The following FSD1L variants were observed in gnomAD, a reference collection of about 807,000 sequenced individuals.
The protein encoded by FSD1L is fibronectin type III and SPRY domain containing 1 like, also known as FSD1-like protein.
A neutral mutation model predicts 71.6 loss-of-function variants in FSD1L; 45 were observed. That is an observed-to-expected ratio of 0.63 (90% CI 0.49 to 0.81). FSD1L has a LOEUF of 0.81. Among genes scored for constraint, FSD1L ranks in the 30% least tolerant of loss-of-function variants. The pLI is 0.00. For synonymous variants in FSD1L, 197 were observed against 207.2 expected (o/e 0.95, Z 0.42); for missense variants, 561 against 618.1 (o/e 0.91, Z 0.98).
chr9:105,542,704 C>T (rs1836707882), intron 13 of FSD1L, among the ~76,000 whole-genome samples: 1 of 152,212 alleles, frequency 6.6e-6, no homozygotes, highest in Non-Finnish European at 1.5e-5. Flanking sequence ...GATCCACCAG[C>T]CTTGGCCCCC....
At chr9:105,506,934 G>A (rs1834089719) in intron 8 of FSD1L, among the ~76,000 whole-genome samples, 1 of 151,986 alleles carries the variant, frequency 6.6e-6, no homozygotes, top group Admixed American at 6.5e-5. Flanking sequence ...ACCACACTTA[G>A]CTAATTTTTG....
intron 7 of FSD1L, among the ~76,000 whole-genome samples, chr9:105,499,282 C>T (rs1833620638): frequency 6.6e-6 from 1 of 152,236 alleles, no homozygotes; most frequent in Admixed American, 6.5e-5. Flanking sequence ...ACACCACACA[C>T]ATTCAAATAA....
intron 10 of FSD1L, among the ~76,000 whole-genome samples, chr9:105,519,974 C>T (rs1224872055): frequency 6.6e-6 from 1 of 152,242 alleles, no homozygotes; most frequent in African/African-American, 2.4e-5. Context: ...CGGCCCTGGC[C>T]TGGATCGGGG....
intron 1 of FSD1L, 134 bp downstream of exon 1, chr9:105,448,369 C>A (rs1564069422): frequency 2.5e-6 from 2 of 801,914 alleles, no homozygotes; most frequent in Admixed American, 4.3e-5. Flanking sequence ...CTGCGGAGGG[C>A]AAGGCCGCCC....
At chr9:105,520,560 A>T (rs1835081132) in intron 10 of FSD1L, 4 of 1,298,212 alleles carry the variant, frequency 3.1e-6, no homozygotes, top group Admixed American at 1.7e-5. Flanking sequence ...TTCATCAGCC[A>T]TGGCAGTTTC....
chr9:105,471,980 TA>T lies in FSD1L; in HGVS notation c.419del (p.Lys140ArgfsTer27). ...LLEFATRSLD[I>X]KEPEEFSKAA... is the part of the protein sequence containing the mutation. ...GAATTTGCAACAAGGTCATTAGATA[TA>T]AAGGAACCTGAAGAATTTTCAAAGG... On this transcript the variant is annotated frameshift_variant, in exon 5 of 14. Coordinates refer to ENST00000481272, the MANE Select transcript of FSD1L (RefSeq NM_001145313.3). LOFTEE classifies it high-confidence loss of function. 1 of 1,443,478 alleles carries T rather than the reference TA, an allele frequency of 6.9e-7. No individual in the cohort carries two copies. The highest frequency in any genetic ancestry group is 9.1e-7 in the Non-Finnish European group (1 of 1,099,182). 89.4% of individuals were successfully genotyped at this position (1,443,478 alleles called of 1,614,324 possible).
chr9:105,522,026 A>G (rs960472161), intron 10 of FSD1L: 2 of 1,613,070 alleles, frequency 1.2e-6, no homozygotes, highest in South Asian at 1.1e-5. Flanking sequence ...GAGTCACGGA[A>G]TCTGTACTGA....
At chr9:105,476,802 T>C (rs1019164502) in intron 5 of FSD1L, among the ~76,000 whole-genome samples, 10 of 152,234 alleles carry the variant, frequency 6.6e-5, no homozygotes, top group Admixed American at 6.5e-4. Context: ...ATTTAAGACA[T>C]TTCTTGAAAT....
At chr9:105,521,078 G>A (rs1270528568) in intron 10 of FSD1L, 1 of 1,613,394 alleles carries the variant, frequency 6.2e-7, no homozygotes. Flanking sequence ...TGAGACCAAA[G>A]CCACATTATG....
At chr9:105,481,180 G>GTGTGT (rs1564098382) in intron 6 of FSD1L, among the ~76,000 whole-genome samples, 1 of 30,764 alleles carries the variant, frequency 3.3e-5, no homozygotes, top group Non-Finnish European at 5.5e-5. Context: ...TGTGTGTGTG[G>GTGTGT]TTCTTTTTTT....
chr9:105,545,350 A>T (rs1172732327), intron 13 of FSD1L, among the ~76,000 whole-genome samples: 1 of 146,262 alleles, frequency 6.8e-6, no homozygotes, highest in African/African-American at 2.7e-5. Context: ...TTCTAGATAT[A>T]CAATCATGTC....
At chr9:105,486,470 T>A (rs575194292) in intron 7 of FSD1L, among the ~76,000 whole-genome samples, 1 of 152,320 alleles carries the variant, frequency 6.6e-6, no homozygotes, top group East Asian at 1.9e-4. Flanking sequence ...CACTTTCATG[T>A]TCACTCTTGG....
intron 10 of FSD1L, chr9:105,523,757 T>A (rs1430291029): frequency 6.3e-7 from 1 of 1,597,006 alleles, no homozygotes; most frequent in Non-Finnish European, 8.6e-7. Flanking sequence ...ATAGAGATTT[T>A]CTAACACATT....
At chr9:105,455,078 G>A (rs769210740) in intron 1 of FSD1L, among the ~76,000 whole-genome samples, 1 of 152,142 alleles carries the variant, frequency 6.6e-6, no homozygotes, top group African/African-American at 2.4e-5. Flanking sequence ...GCTGGATAGC[G>A]CTTTCTTGAT....
chr9:105,524,291 T>C, intron 10 of FSD1L: 2 of 1,612,952 alleles, frequency 1.2e-6, no homozygotes, highest in South Asian at 2.2e-5. Flanking sequence ...TGGTTCATTA[T>C]GTACCTAGAC....
intron 4 of FSD1L, 132 bp from the exon 5 acceptor site, chr9:105,471,772 C>T (rs1010218660): frequency 3.1e-5 from 10 of 322,628 alleles, no homozygotes; most frequent in Non-Finnish European, 5.1e-5. Context: ...TACAATAGCT[C>T]ACTGAAATGT....
intron 10 of FSD1L, among the ~76,000 whole-genome samples, chr9:105,514,607 C>T (rs549392361): frequency 1.3e-5 from 2 of 152,176 alleles, no homozygotes; most frequent in East Asian, 3.9e-4. Flanking sequence ...CCCAGAGCTG[C>T]CAGATGTTGA....
At chr9:105,546,058 G>GT (rs1465938795) in intron 13 of FSD1L, among the ~76,000 whole-genome samples, 2 of 151,918 alleles carry the variant, frequency 1.3e-5, no homozygotes, top group Non-Finnish European at 2.9e-5. Context: ...GTAATGATAG[G>GT]TAATACCTTT....
At chr9:105,496,763 A>G (rs1374486732) in intron 7 of FSD1L, among the ~76,000 whole-genome samples, 2 of 152,234 alleles carry the variant, frequency 1.3e-5, no homozygotes, top group Admixed American at 6.5e-5. Context: ...TACTAGTTTC[A>G]GGAGTTTTTT....
Sources: gnomAD v4.1 joint callset for allele counts (sites outside exome capture counted in the v4.1 genomes callset) on GRCh38, gnomAD v4.1.1 for gene constraint, MANE v1.5 for transcripts, NCBI Gene and HGNC (gene_info 2026-07-23, HGNC 2026-07-21) for gene names.